Variants in PACRG observed in about 807,000 individuals in gnomAD.
PACRG encodes the protein parkin coregulated, also known as parkin coregulated gene protein.
In PACRG, 29 loss-of-function variants were observed where a neutral mutation model predicts 29.7. The observed-to-expected ratio is 0.98, with a 90% CI of 0.73 to 1.33. The LOEUF is 1.33. Ranked by LOEUF, PACRG falls within the 40% of genes most tolerant of loss-of-function variation. The pLI is 0.00. For missense variants in PACRG, 279 were observed against 316.2 expected (o/e 0.88, Z 0.89); for synonymous variants, 116 against 118.7 (o/e 0.98, Z 0.15).
chr6:162,785,795 A>G (rs1784422617), intron 1 of PACRG, among the ~76,000 whole-genome samples: 1 of 152,176 alleles, frequency 6.6e-6, no homozygotes, highest in Non-Finnish European at 1.5e-5. Flanking sequence ...CTCACCTGCT[A>G]TGCGGCCCAG....
intron 2 of PACRG, among the ~76,000 whole-genome samples, chr6:162,982,919 A>G (rs1363306754): frequency 6.6e-6 from 1 of 152,112 alleles, no homozygotes; most frequent in African/African-American, 2.4e-5. Context: ...GTCTCCTACT[A>G]TTATGGTGTT....
chr6:163,226,984 A>G (rs1415816482), intron 4 of PACRG, among the ~76,000 whole-genome samples: 1 of 152,238 alleles, frequency 6.6e-6, no homozygotes, highest in Non-Finnish European at 1.5e-5. Context: ...CAAACCTTAT[A>G]AATGATGATG....
chr6:162,905,705 G>T (rs1257178620), intron 2 of PACRG, among the ~76,000 whole-genome samples: 1 of 152,162 alleles, frequency 6.6e-6, no homozygotes, highest in East Asian at 1.9e-4. Flanking sequence ...ATATAGCCAT[G>T]CACCTAATTT....
intron 4 of PACRG, among the ~76,000 whole-genome samples, chr6:163,161,018 C>T (rs375246414): frequency 1.4e-4 from 21 of 152,174 alleles, no homozygotes; most frequent in Non-Finnish European, 2.6e-4. Flanking sequence ...AGTTAGGAAG[C>T]GGCAAAGCCA....
At chr6:163,178,941 C>T (rs1779516901) in intron 4 of PACRG, among the ~76,000 whole-genome samples, 1 of 152,134 alleles carries the variant, frequency 6.6e-6, no homozygotes, top group Non-Finnish European at 1.5e-5. Context: ...AGTAACAATT[C>T]CTATTCGGGT....
At chr6:163,230,454 TTCC>T (rs923143835) in intron 4 of PACRG, among the ~76,000 whole-genome samples, 2 of 152,130 alleles carry the variant, frequency 1.3e-5, no homozygotes, top group African/African-American at 4.8e-5. Flanking sequence ...AGACTTCCCT[TTCC>T]TCCTCCTATT....
intron 1 of PACRG, among the ~76,000 whole-genome samples, chr6:162,795,070 G>T (rs1236112813): frequency 6.6e-6 from 1 of 152,052 alleles, no homozygotes; most frequent in Non-Finnish European, 1.5e-5. Flanking sequence ...ACACTTAAAA[G>T]AGATGAGGTA....
In PACRG at chr6:163,265,867, C is replaced by T. The variant is rs139750907; in HGVS notation, c.614-48960C>T. Among the ~76,000 whole-genome samples the T allele has an allele frequency of 2.7e-4, 41 of 152,186 alleles. 1 individual carries two copies. Among genetic ancestry groups the T allele is most frequent in the African/African-American group, 8.7e-4 (36 of 41,518 alleles). On this transcript the variant is annotated intron_variant, in intron 4 of 4. Coordinates refer to ENST00000366888, the MANE Select transcript of PACRG (RefSeq NM_001080379.2). ...TTATATTGAGCATTTACCATAATTC[C>T]GAGTCAAAAATTAATCTAATATTTT...
At chr6:163,001,482 A>G (rs373294601) in intron 2 of PACRG, among the ~76,000 whole-genome samples, 106 of 152,356 alleles carry the variant, frequency 7.0e-4, no homozygotes, top group African/African-American at 2.3e-3. Flanking sequence ...AACAGAAAGC[A>G]GAATAGGTTT....
chr6:163,282,975 C>T (rs1297280342), intron 4 of PACRG, among the ~76,000 whole-genome samples: 1 of 152,156 alleles, frequency 6.6e-6, no homozygotes, highest in Non-Finnish European at 1.5e-5. Context: ...TAGTGGTTAT[C>T]ATTTTATTAA....
chr6:162,849,060 T>C (rs1790645698), intron 2 of PACRG, among the ~76,000 whole-genome samples: 1 of 152,092 alleles, frequency 6.6e-6, no homozygotes, highest in Admixed American at 6.6e-5. Context: ...AGAGAAGGGC[T>C]GGGGGCAGAG....
intron 4 of PACRG, among the ~76,000 whole-genome samples, chr6:163,253,297 C>CAAAAAA (rs576001593): frequency 2.0e-5 from 1 of 50,136 alleles, no homozygotes; most frequent in Non-Finnish European, 4.5e-5. Flanking sequence ...GAGACTGTCT[C>CAAAAAA]AAAAAAAAAA....
intron 1 of PACRG, among the ~76,000 whole-genome samples, chr6:162,778,467 C>T (rs1452910181): frequency 1.3e-5 from 2 of 152,152 alleles, no homozygotes; most frequent in Non-Finnish European, 2.9e-5. Flanking sequence ...AGGTGTTTTA[C>T]AAATTTCAGC....
intron 2 of PACRG, among the ~76,000 whole-genome samples, chr6:162,953,438 A>C (rs762539315): frequency 2.0e-5 from 3 of 152,186 alleles, no homozygotes; most frequent in Non-Finnish European, 4.4e-5. Flanking sequence ...ACTGTAAACT[A>C]ATGATTATTA....
intron 1 of PACRG, among the ~76,000 whole-genome samples, chr6:162,735,132 A>T (rs1373988133): frequency 6.6e-6 from 1 of 152,158 alleles, no homozygotes; most frequent in Admixed American, 6.5e-5. Context: ...TAATTTATTT[A>T]TCCATCGCTT....
At chr6:162,826,591 G>A (rs1788304702) in intron 2 of PACRG, among the ~76,000 whole-genome samples, 1 of 151,322 alleles carries the variant, frequency 6.6e-6, no homozygotes, top group African/African-American at 2.4e-5. Context: ...AGCCTCCCAA[G>A]TAGCTGGAAT....
chr6:163,169,935 T>C (rs2235994), intron 4 of PACRG, among the ~76,000 whole-genome samples: 73,235 of 152,040 alleles, frequency 0.48, 18,106 homozygotes, highest in East Asian at 0.57. Flanking sequence ...GGACGGCCAC[T>C]TTCTCGCTGT....
At chr6:163,291,631 G>A (rs9456852) in intron 4 of PACRG, among the ~76,000 whole-genome samples, 15,807 of 152,272 alleles carry the variant, frequency 0.1, 1,270 homozygotes, top group African/African-American at 0.23. Flanking sequence ...TCTTGTAAAT[G>A]AGATATTTTC....
intron 1 of PACRG, among the ~76,000 whole-genome samples, chr6:162,735,134 C>G (rs1312681659): frequency 6.6e-6 from 1 of 152,094 alleles, no homozygotes; most frequent in East Asian, 1.9e-4. Context: ...ATTTATTTAT[C>G]CATCGCTTCC....
Sources: gnomAD v4.1 joint callset for allele counts (sites outside exome capture counted in the v4.1 genomes callset) on GRCh38, gnomAD v4.1.1 for gene constraint, MANE v1.5 for transcripts, NCBI Gene and HGNC (gene_info 2026-07-23, HGNC 2026-07-21) for gene names.